The following ATP11A variants were observed in gnomAD, a reference collection of about 807,000 sequenced individuals.
ATP11A encodes the protein phospholipid-transporting ATPase IH.
Under a neutral mutation model 154.4 loss-of-function variants are expected in ATP11A, and 81 were observed. That is an observed-to-expected ratio of 0.52 (90% CI 0.44 to 0.63). The LOEUF (loss-of-function observed/expected upper bound fraction) is 0.63, where lower values mean the gene tolerates loss of function less well. Among genes scored for constraint, ATP11A ranks in the 30% least tolerant of loss-of-function variants. ATP11A has a pLI of 0.00. For missense variants in ATP11A, 1,316 were observed against 1,474.3 expected, an observed-to-expected ratio of 0.89 and a Z score of 1.76; for synonymous variants, 623 against 585.9, an observed-to-expected ratio of 1.06 and a Z score of -0.91.
intron 29 of ATP11A, chr13:112,880,436 G>A (rs1253956317): frequency 2.1e-6 from 2 of 971,108 alleles, no homozygotes; most frequent in Non-Finnish European, 2.7e-6. Context: ...TCCAACAGGG[G>A]CTTCGAGCCT....
intron 1 of ATP11A, among the ~76,000 whole-genome samples, chr13:112,737,261 G>A (rs1044864253): frequency 6.6e-6 from 1 of 152,210 alleles, no homozygotes; most frequent in African/African-American, 2.4e-5. Context: ...AGGGTCCACA[G>A]TCACAACAGG....
intron 1 of ATP11A, among the ~76,000 whole-genome samples, chr13:112,778,160 G>C (rs776593173): frequency 6.6e-6 from 1 of 152,130 alleles, no homozygotes; most frequent in Non-Finnish European, 1.5e-5. Flanking sequence ...ATTTTTTAGC[G>C]GCCAGGTGAG....
intron 12 of ATP11A, among the ~76,000 whole-genome samples, chr13:112,830,530 C>CT (rs1216867612): frequency 1.3e-5 from 2 of 152,082 alleles, no homozygotes; most frequent in Non-Finnish European, 2.9e-5. Flanking sequence ...GAGCCGAGAT[C>CT]ATACCACTGC....
rs142442696 is a variant in ATP11A at position 112,854,369 on chromosome 13, C to T, written c.2082C>T (p.Ala694=). The T allele has an allele frequency of 1.0e-4, 167 of 1,613,938 alleles. No homozygotes were observed. The highest frequency in any genetic ancestry group is 1.6e-4 in the Middle Eastern group (1 of 6,084). Residue 694 remains alanine, a synonymous_variant, in exon 19 of 30, where the codon GCC becomes GCT. Coordinates refer to ENST00000375645, the MANE Select transcript of ATP11A (RefSeq NM_015205.3). ...TCACGGGAGACAAGATGGAGACGGC[C>T]GCGGCCACGTGCTACGCCTGCAAGC... is the stretch of plus-strand genomic sequence containing the variant. ...WVLTGDKMET[A]AATCYACKLF... is the part of the protein sequence containing the mutation.
intron 17 of ATP11A, among the ~76,000 whole-genome samples, chr13:112,847,684 A>T (rs1463614578): frequency 6.6e-6 from 1 of 152,184 alleles, no homozygotes; most frequent in Non-Finnish European, 1.5e-5. Flanking sequence ...TGAAACCAGG[A>T]TATGTGAGTC....
In ATP11A at chr13:112,853,586, G is replaced by A. The variant is rs78028842; in HGVS notation, c.1992-693G>A. On this transcript the variant is annotated intron_variant, in intron 18 of 29. Transcript: ENST00000375645. ...AGAGGGCAGTGGTCTGACTGCTGTC[G>A]GAAGAGCCGCTTACCCCCGACACCT... Among the ~76,000 whole-genome samples the A allele has an allele frequency of 8.2e-3, 1,251 of 152,306 alleles. 18 individuals are homozygous for A. Among genetic ancestry groups the A allele is most frequent in the African/African-American group, 0.029 (1,202 of 41,550 alleles).
chr13:112,692,762 A>G (rs1276607963), intron 1 of ATP11A, among the ~76,000 whole-genome samples: 1 of 152,168 alleles, frequency 6.6e-6, no homozygotes, highest in Non-Finnish European at 1.5e-5. Context: ...TATCATTTTA[A>G]GTTCATGTCT....
intron 13 of ATP11A, among the ~76,000 whole-genome samples, chr13:112,832,323 T>C (rs1003608843): frequency 1.3e-5 from 2 of 152,322 alleles, no homozygotes; most frequent in East Asian, 3.9e-4. Flanking sequence ...TAAACGCTGA[T>C]TCTGCAGCTG....
chr13:112,749,571 G>C (rs1193219837), intron 1 of ATP11A, among the ~76,000 whole-genome samples: 4 of 152,248 alleles, frequency 2.6e-5, no homozygotes, highest in Admixed American at 6.5e-5. Context: ...TTTGGGGAAA[G>C]TACTGAACCT....
chr13:112,756,030 A>G (rs2076821728), intron 1 of ATP11A, among the ~76,000 whole-genome samples: 1 of 152,094 alleles, frequency 6.6e-6, no homozygotes, highest in Non-Finnish European at 1.5e-5. Flanking sequence ...TCCCAGAACC[A>G]TTTCCGGTCA....
intron 24 of ATP11A, among the ~76,000 whole-genome samples, chr13:112,861,470 C>A (rs534104371): frequency 2.6e-5 from 4 of 152,338 alleles, no homozygotes; most frequent in African/African-American, 9.6e-5. Context: ...TTATTCAGAT[C>A]ACCCAGCTTT....
intron 1 of ATP11A, among the ~76,000 whole-genome samples, chr13:112,701,338 T>C (rs1886504438): frequency 6.6e-6 from 1 of 152,172 alleles, no homozygotes; most frequent in Non-Finnish European, 1.5e-5. Context: ...TGTCTGGCGT[T>C]TGGCAGTCAA....
At chr13:112,881,331 C>T (rs960006228) in intron 29 of ATP11A, 2 of 1,011,392 alleles carry the variant, frequency 2.0e-6, no homozygotes, top group Admixed American at 5.3e-5. Context: ...GGCAACATGT[C>T]AAGGGGATGC....
At chr13:112,808,531 C>T (rs1054747968) in intron 4 of ATP11A, among the ~76,000 whole-genome samples, 1 of 150,368 alleles carries the variant, frequency 6.7e-6, no homozygotes, top group African/African-American at 2.5e-5. Context: ...TTGGGAACAG[C>T]GCCTCTGTCC....
intron 2 of ATP11A, among the ~76,000 whole-genome samples, chr13:112,787,266 G>C (rs372552502): frequency 7.1e-5 from 9 of 126,588 alleles, no homozygotes; most frequent in Non-Finnish European, 1.4e-4. Context: ...GTCCTGATGC[G>C]TAGACTCCTG....
chr13:112,836,272 GATT>G (rs778954091), intron 16 of ATP11A, 21 bp downstream of exon 16: 1 of 1,517,824 alleles, frequency 6.6e-7, no homozygotes, highest in Admixed American at 1.7e-5. Flanking sequence ...TTTTTCTTTT[GATT>G]TATTAAGTTA....
rs556177113 is a variant in ATP11A at position 112,758,713 on chromosome 13, G to A, written c.40-26422G>A. On this transcript the variant is annotated intron_variant, in intron 1 of 29. Transcript: ENST00000375645. ...GCTGGGATTACAGGCGTGAGCCACCGCTCCCAGCCTACATTTCTTAAATCT... is the reference window on the plus strand; with the variant it reads ...GCTGGGATTACAGGCGTGAGCCACCACTCCCAGCCTACATTTCTTAAATCT... 9.7e-4 allele frequency among the ~76,000 whole-genome samples: 147 copies of A among 152,294 alleles called. 1 individual carries two copies. The highest frequency in any genetic ancestry group is 3.3e-3 in the African/African-American group (136 of 41,560).
Position 112,860,331 on chromosome 13 carries a change from C to T in ATP11A, c.2772C>T (p.Phe924=), listed in dbSNP as rs746680711. ...ATCTGACCCTCTACAACATCAGCTT[C>T]ACCTCCCTCCCCATCCTCCTGTACA... is the stretch of plus-strand genomic sequence containing the variant. ...TAYLTLYNIS[F]TSLPILLYSL... The change falls in exon 24 of 30, where the codon TTC becomes TTT. Residue 924 remains phenylalanine, a synonymous_variant. Transcript: ENST00000375645. 2 of 1,614,228 alleles carry T rather than the reference C, an allele frequency of 1.2e-6. No homozygotes were observed. Among genetic ancestry groups the T allele is most frequent in the Non-Finnish European group, 8.5e-7 (1 of 1,180,036 alleles).
intron 1 of ATP11A, among the ~76,000 whole-genome samples, chr13:112,705,197 C>T (rs577965275): frequency 9.9e-5 from 15 of 152,262 alleles, no homozygotes; most frequent in South Asian, 2.1e-4. Flanking sequence ...AAAGCTGGAG[C>T]GACTGTCATG....
Sources: allele counts gnomAD v4.1 joint callset (sites outside exome capture counted in the v4.1 genomes callset), GRCh38; gene constraint gnomAD v4.1.1; transcripts MANE v1.5; gene names NCBI Gene and HGNC (gene_info 2026-07-23, HGNC 2026-07-21).